COPA: variants seen among roughly 807,000 people sequenced by gnomAD.
The protein encoded by COPA is coat protein complex I subunit alpha.
A neutral mutation model predicts 158.7 loss-of-function variants in COPA; 10 were observed. The ratio of observed to expected loss-of-function variants is 0.06; its 90% confidence interval spans 0.04 to 0.11. The LOEUF (loss-of-function observed/expected upper bound fraction) is 0.11, where lower values mean the gene tolerates loss of function less well. Among genes scored for constraint, COPA ranks in the 10% least tolerant of loss-of-function variants. The probability of loss-of-function intolerance (pLI) is 1.00; values close to 1 mark genes in which losing one functional copy is unlikely to be tolerated. For missense variants in COPA, 1,065 were observed against 1,536.7 expected (o/e 0.69, Z 5.13); for synonymous variants, 462 against 542.8 (o/e 0.85, Z 2.07).
chr1:160,299,911 G>A (rs1477451613), intron 17 of COPA, among the ~76,000 whole-genome samples: 1 of 152,064 alleles, frequency 6.6e-6, no homozygotes, highest in Non-Finnish European at 1.5e-5. Context: ...AACTACAGTA[G>A]AGAAGTTCAA....
chr1:160,337,726 A>T (rs1647842836), intron 3 of COPA, among the ~76,000 whole-genome samples: 1 of 47,400 alleles, frequency 2.1e-5, no homozygotes, highest in Admixed American at 2.3e-4. Context: ...CGCAAAAAAC[A>T]AACAAACAAA....
rs1659381838 is a variant in COPA, at chr1:160,323,095, G to A, written c.706+336C>T. Among the ~76,000 whole-genome samples, 4 of 152,076 alleles carry A rather than the reference G, an allele frequency of 2.6e-5. 1 individual carries two copies. The South Asian group carries it at 8.3e-4, about 32-fold the overall frequency. ...AATGGATGGAACTGGAGGCCATTAT[G>A]TTAAGGGAAGAACAAAGAGACAAAT... On this transcript the variant is annotated intron_variant, in intron 8 of 32. Transcript: ENST00000241704.
chr1:160,338,353 T>G (rs552668797), intron 3 of COPA, among the ~76,000 whole-genome samples: 1 of 152,304 alleles, frequency 6.6e-6, no homozygotes, highest in African/African-American at 2.4e-5. Flanking sequence ...TTCTAATAGC[T>G]CTTTTCTCTG....
chr1:160,337,697 C>A (rs747718900), intron 3 of COPA, among the ~76,000 whole-genome samples: 6 of 151,652 alleles, frequency 4.0e-5, no homozygotes, highest in Non-Finnish European at 7.4e-5. Context: ...CCAGCCTGGG[C>A]AACAGAACAA....
intron 17 of COPA, 61 bp from the exon 18 acceptor site, chr1:160,299,325 G>T: frequency 6.7e-7 from 1 of 1,502,556 alleles, no homozygotes; most frequent in Non-Finnish European, 9.1e-7. Flanking sequence ...GTGAAGAAAC[G>T]GAACAAACCT....
chr1:160,293,067 C>A lies in COPA; in HGVS notation c.2823+99G>T, dbSNP rs1464203222. 6.7e-6 allele frequency: 8 copies of A among 1,185,610 alleles called. No homozygotes were observed. In the African/African-American group the frequency reaches 7.7e-5, roughly 11 times the overall value. 73.4% of individuals were successfully genotyped at this position (1,185,610 alleles called of 1,614,324 possible). A position where few individuals can be genotyped will look rare whatever the true frequency, so the allele number is the denominator to read the frequency against. On this transcript the variant is annotated intron_variant, in intron 27 of 32. Transcript: ENST00000241704. ...TTTCATGAAAAATATACACCTTTCCCCTTATGGGTAGGATAATTTCCCTTG... is the reference window on the plus strand; with the variant it reads ...TTTCATGAAAAATATACACCTTTCCACTTATGGGTAGGATAATTTCCCTTG...
intron 16 of COPA, 33 bp downstream of exon 16, chr1:160,305,655 C>G: frequency 4.3e-6 from 7 of 1,613,998 alleles, no homozygotes; most frequent in Non-Finnish European, 5.9e-6. Flanking sequence ...AGGGAATGGT[C>G]TCTAAATCAG....
At chr1:160,297,284 C>T (rs1432276731) in intron 21 of COPA, 59 bp downstream of exon 21, 71 of 1,507,538 alleles carry the variant, frequency 4.7e-5, no homozygotes, top group Non-Finnish European at 6.1e-5. Flanking sequence ...ATTAACTCAA[C>T]AAAAACAGAA....
At chr1:160,316,715 A>G (rs758647196) in intron 8 of COPA, among the ~76,000 whole-genome samples, 2 of 151,214 alleles carry the variant, frequency 1.3e-5, no homozygotes, top group Non-Finnish European at 2.9e-5. Context: ...GCACCATTGC[A>G]CTCCAGCCTG....
rs775821899 is a variant in COPA at position 160,290,475 on chromosome 1, T to C, written c.3615+17A>G. The C allele has an allele frequency of 2.5e-6, 4 of 1,611,248 alleles. No homozygotes were observed. In the East Asian group the frequency reaches 6.7e-5, roughly 27 times the overall value. ...TCGCTCAATATCCTAGATATATTTA[T>C]TGAGGACAGTACTTACTGTGGTGAC... On this transcript the variant is annotated intron_variant, in intron 32 of 32. Transcript: ENST00000241704.
rs140856573 is a variant in COPA at position 160,328,675 on chromosome 1, G to A, written c.497-3023C>T. On this transcript the variant is annotated intron_variant, in intron 6 of 32. Transcript: ENST00000241704. ...AGCCTGAATTACATGGGCTTGACAT[G>A]CAAAGGTATAAGCATATTAAAATAA... Among the ~76,000 whole-genome samples the A allele has an allele frequency of 3.3e-5, 5 of 152,308 alleles. No homozygotes were observed. The East Asian group carries it at 9.6e-4, about 29-fold the overall frequency.
At chr1:160,331,819 G>C (rs1342547735) in intron 6 of COPA, among the ~76,000 whole-genome samples, 4 of 151,940 alleles carry the variant, frequency 2.6e-5, no homozygotes, top group Admixed American at 6.6e-5. Flanking sequence ...GTGGTCACAT[G>C]CATCTGTAGT....
At chr1:160,293,353 C>T (rs1181288462) in intron 26 of COPA, 33 bp downstream of exon 26, 1 of 1,612,680 alleles carries the variant, frequency 6.2e-7, no homozygotes. Flanking sequence ...ATTAGCCACT[C>T]ATCCCTGCCG....
chr1:160,332,678 C>T lies in COPA; in HGVS notation c.387-121G>A, dbSNP rs2101871927. On this transcript the variant is annotated intron_variant, in intron 5 of 32. Transcript: ENST00000241704. Reference sequence around the variant, plus strand: ...AGTTTTACTTTTATGGAGACAAAGGCAGGTCATCCTACCAATTCTGAACTA... The same window carrying T: ...AGTTTTACTTTTATGGAGACAAAGGTAGGTCATCCTACCAATTCTGAACTA... 5.2e-6 allele frequency: 3 copies of T among 582,398 alleles called. No individual in the cohort carries two copies. In the African/African-American group the frequency reaches 5.6e-5, roughly 11 times the overall value. The allele number at this position is 582,398 out of a possible 1,614,324, so 36.1% of individuals were successfully genotyped here.
chr1:160,313,283 T>A, intron 9 of COPA, 116 bp from the exon 10 acceptor site: 1 of 835,648 alleles, frequency 1.2e-6, no homozygotes, highest in Non-Finnish European at 1.9e-6. Context: ...TCAGGGAGAG[T>A]AAACTGCATA....
At chr1:160,293,705 AG>A (rs1658314296) in intron 25 of COPA, among the ~76,000 whole-genome samples, 1 of 152,118 alleles carries the variant, frequency 6.6e-6, no homozygotes, top group South Asian at 2.1e-4. Flanking sequence ...CATGTTGCCC[AG>A]GCTGGTCTCC....
intron 7 of COPA, among the ~76,000 whole-genome samples, chr1:160,324,625 C>A (rs941612518): frequency 2.0e-5 from 3 of 151,940 alleles, no homozygotes; most frequent in Admixed American, 6.6e-5. Context: ...CTTATTCTTT[C>A]GTAAGTATAC....
chr1:160,319,627 T>C (rs1055513213), intron 8 of COPA, among the ~76,000 whole-genome samples: 2 of 151,536 alleles, frequency 1.3e-5, no homozygotes, highest in African/African-American at 4.9e-5. Flanking sequence ...AACTATACTT[T>C]AGGCCACAAA....
At chr1:160,291,694 G>T in intron 30 of COPA, 125 bp downstream of exon 30, 1 of 1,141,934 alleles carries the variant, frequency 8.8e-7, no homozygotes, top group Non-Finnish European at 1.3e-6. Context: ...TCCCCTCATA[G>T]AAATGAAGGG....
Sources: gnomAD v4.1 joint callset for allele counts (sites outside exome capture counted in the v4.1 genomes callset) on GRCh38, gnomAD v4.1.1 for gene constraint, MANE v1.5 for transcripts, NCBI Gene and HGNC (gene_info 2026-07-23, HGNC 2026-07-21) for gene names.